The following GUCY2F variants were observed in gnomAD, a reference collection of about 807,000 sequenced individuals.
GUCY2F encodes the protein guanylate cyclase 2F, retinal, also known as retinal guanylyl cyclase 2.
Under a neutral mutation model 73.1 loss-of-function variants are expected in GUCY2F, and 61 were observed. The ratio of observed to expected loss-of-function variants is 0.83; its 90% CI spans 0.68 to 1.03. The LOEUF is 1.03. Ranked by LOEUF, GUCY2F falls within the 50% of genes least tolerant of loss-of-function variation. The pLI, the probability that GUCY2F is intolerant of heterozygous loss-of-function variation, is 0.00. For synonymous variants in GUCY2F, 331 were observed against 307.8 expected (o/e 1.08, Z -0.79); for missense variants, 912 against 854.3 (o/e 1.07, Z -0.84).
At chrX:109,444,445 G>A (rs2147273792) in intron 6 of GUCY2F, among the ~76,000 whole-genome samples, 1 of 111,965 alleles carries the variant, frequency 8.9e-6, no homozygotes, top group South Asian at 3.7e-4. Context: ...TGTAGCAAGA[G>A]TAAACGGCAC....
chrX:109,403,645 T>C (rs1369984309), intron 10 of GUCY2F, among the ~76,000 whole-genome samples: 1 of 112,194 alleles, frequency 8.9e-6, no homozygotes, highest in African/African-American at 3.2e-5. Context: ...TTAAAAACCA[T>C]ATATAACATT....
chrX:109,435,804 C>A (rs899856920), intron 7 of GUCY2F, among the ~76,000 whole-genome samples: 10 of 111,315 alleles, frequency 9.0e-5, no homozygotes, highest in Non-Finnish European at 1.7e-4. Flanking sequence ...TACGTCCCAT[C>A]AATACCTAAT....
intron 15 of GUCY2F, among the ~76,000 whole-genome samples, chrX:109,386,337 T>C (rs1175341917): frequency 9.0e-6 from 1 of 110,859 alleles, no homozygotes. Flanking sequence ...TCAAGAAGGG[T>C]CCAGTGGAGA....
At chrX:109,375,824 C>T in intron 19 of GUCY2F, 74 bp downstream of exon 19, 1 of 692,797 alleles carries the variant, frequency 1.4e-6, no homozygotes, top group Non-Finnish European at 2.4e-6. Context: ...CTGACACTGG[C>T]ACGCATGCCA....
At chrX:109,413,008 G>A (rs767231623) in intron 8 of GUCY2F, among the ~76,000 whole-genome samples, 7 of 112,198 alleles carry the variant, frequency 6.2e-5, no homozygotes, top group African/African-American at 2.3e-4. Context: ...GCTGTTATTT[G>A]GGTGAAAATT....
intron 11 of GUCY2F, among the ~76,000 whole-genome samples, chrX:109,397,997 T>C (rs1369231888): frequency 8.9e-6 from 1 of 111,813 alleles, no homozygotes. Flanking sequence ...GATCCTCTAC[T>C]TGTAAACTCT....
intron 8 of GUCY2F, among the ~76,000 whole-genome samples, chrX:109,411,360 T>C (rs1931106809): frequency 9.0e-6 from 1 of 110,531 alleles, no homozygotes; most frequent in South Asian, 3.9e-4. Flanking sequence ...ATTTACTCAC[T>C]GAGGACAGTA....
intron 8 of GUCY2F, among the ~76,000 whole-genome samples, chrX:109,410,151 G>C (rs1484886428): frequency 8.9e-6 from 1 of 112,145 alleles, no homozygotes; most frequent in Non-Finnish European, 1.9e-5. Context: ...TAATAAATTA[G>C]TGATGTTTTA....
At chrX:109,448,019 T>C (rs772915450) in intron 6 of GUCY2F, 50 bp downstream of exon 6, 1 of 615,660 alleles carries the variant, frequency 1.6e-6, no homozygotes, top group East Asian at 3.3e-5. Context: ...TATTTGTGGC[T>C]TGTGGCTACC....
chrX:109,451,683 A>T (rs1932136855), intron 5 of GUCY2F, among the ~76,000 whole-genome samples: 1 of 111,854 alleles, frequency 8.9e-6, no homozygotes, highest in Non-Finnish European at 1.9e-5. Flanking sequence ...CATTTGGGCA[A>T]GGAGATGGTT....
At chrX:109,405,640 T>A (rs1930954841) in intron 9 of GUCY2F, among the ~76,000 whole-genome samples, 1 of 111,973 alleles carries the variant, frequency 8.9e-6, no homozygotes, top group South Asian at 3.8e-4. Flanking sequence ...TCTTGGATAG[T>A]CTGCACTCTT....
chrX:109,431,174 A>G (rs1245342114), intron 7 of GUCY2F, among the ~76,000 whole-genome samples: 1 of 111,789 alleles, frequency 8.9e-6, no homozygotes, highest in Non-Finnish European at 1.9e-5. Context: ...TCAGTCATAA[A>G]GCCCTATTTA....
intron 5 of GUCY2F, among the ~76,000 whole-genome samples, chrX:109,449,843 G>A (rs1347440180): frequency 2.7e-5 from 3 of 111,568 alleles, no homozygotes; most frequent in Non-Finnish European, 5.7e-5. Flanking sequence ...GAGGAGTAGA[G>A]AGAAAGGAGG....
chrX:109,423,641 C>T (rs142198362), intron 8 of GUCY2F, among the ~76,000 whole-genome samples: 1,685 of 103,725 alleles, frequency 0.016, 39 homozygotes, highest in African/African-American at 0.056. Context: ...GGTCTCCAAC[C>T]CCTGGGCTCA....
At chrX:109,381,004 C>A (rs760814208) in intron 17 of GUCY2F, among the ~76,000 whole-genome samples, 3 of 111,931 alleles carry the variant, frequency 2.7e-5, no homozygotes, top group East Asian at 2.8e-4. Flanking sequence ...TGTCTGAGTT[C>A]TCTGCAAGAG....
chrX:109,462,024 G>T (rs1932373128), intron 3 of GUCY2F, among the ~76,000 whole-genome samples: 2 of 112,607 alleles, frequency 1.8e-5, no homozygotes, highest in Admixed American at 1.9e-4. Flanking sequence ...CCAGTAATCA[G>T]AAAACTTCAA....
intron 19 of GUCY2F, among the ~76,000 whole-genome samples, chrX:109,374,858 A>G (rs994448333): frequency 8.9e-6 from 1 of 112,315 alleles, no homozygotes; most frequent in Non-Finnish European, 1.9e-5. Flanking sequence ...ATAAATGTTT[A>G]CGACTAGTTC....
chrX:109,391,767 A>G, intron 14 of GUCY2F, 144 bp downstream of exon 14: 1 of 348,878 alleles, frequency 2.9e-6, no homozygotes, highest in Non-Finnish European at 5.0e-6. Context: ...CCAGTGATAT[A>G]CCAATGGAAG....
chrX:109,440,128 T>C (rs975336073), intron 7 of GUCY2F, among the ~76,000 whole-genome samples: 4 of 111,960 alleles, frequency 3.6e-5, no homozygotes, highest in Non-Finnish European at 7.5e-5. Context: ...TTTTTACAGT[T>C]CTGAAGGATG....
Sources: allele counts gnomAD v4.1 joint callset (sites outside exome capture counted in the v4.1 genomes callset), GRCh38; gene constraint gnomAD v4.1.1; transcripts MANE v1.5; gene names NCBI Gene and HGNC (gene_info 2026-07-23, HGNC 2026-07-21).